The following CDH13 variants were observed in gnomAD, a reference collection of about 807,000 sequenced individuals.
CDH13 encodes the protein cadherin-13.
CDH13 carries 24 observed loss-of-function variants against 63.8 expected under a neutral mutation model. The observed-to-expected ratio is 0.38, with a 90% CI of 0.27 to 0.53. CDH13 has a LOEUF of 0.53. Among genes scored for constraint, CDH13 ranks in the 20% least tolerant of loss-of-function variants. The pLI is 0.85. For missense variants in CDH13, 1,049 were observed against 903.1 expected (o/e 1.16, Z -2.07); for synonymous variants, 503 against 355.3 (o/e 1.42, Z -4.67).
In CDH13 at chr16:83,293,337, C is replaced by T. The variant is rs537097259; in HGVS notation, c.637-51525C>T. ...CACAGACATGTAACCTTCCCCATGC[C>T]TTCTGGGGTCCTTGCTCTAATTTGG... is the stretch of plus-strand genomic sequence containing the variant. On this transcript the variant is annotated intron_variant, in intron 5 of 13. Coordinates refer to ENST00000567109, the MANE Select transcript of CDH13 (RefSeq NM_001257.5). Among the ~76,000 whole-genome samples the T allele has an allele frequency of 3.8e-4, 58 of 152,264 alleles. 1 individual carries two copies. The highest frequency in any genetic ancestry group is 1.3e-3 in the African/African-American group (54 of 41,560).
In CDH13 at chr16:83,040,032, C is replaced by T. The variant is rs531567535; in HGVS notation, c.366+7814C>T. Among the ~76,000 whole-genome samples the T allele has an allele frequency of 9.9e-5, 15 of 151,736 alleles. No homozygotes were observed. In the East Asian group the frequency reaches 3.0e-3, roughly 30 times the overall value. ...ACTAAACAAAACAGTCTGCTTTCTT[C>T]TGCTTGTGCCTGTCTTAATGCTGAG... On this transcript the variant is annotated intron_variant, in intron 3 of 13. Coordinates refer to ENST00000567109, the MANE Select transcript of CDH13 (RefSeq NM_001257.5).
intron 1 of CDH13, among the ~76,000 whole-genome samples, chr16:82,638,175 G>T (rs1266664265): frequency 2.0e-5 from 3 of 152,080 alleles, no homozygotes; most frequent in African/African-American, 7.2e-5. Context: ...GAAGAACGCT[G>T]CAAACCTGGG....
rs182575177 is a variant in CDH13 at position 83,739,351 on chromosome 16, C to T, written c.1539-8757C>T. 2.1e-4 allele frequency among the ~76,000 whole-genome samples: 22 copies of T among 105,546 alleles called. 1 individual carries two copies. The East Asian group carries it at 4.4e-3, about 21-fold the overall frequency. 69.2% of individuals were successfully genotyped at this position (105,546 alleles called of 152,430 possible). A position where few individuals can be genotyped will look rare whatever the true frequency, so the allele number is the denominator to read the frequency against. ...CACAACTTGCTCCTGGAATTAAGCA[C>T]GTCCGGTGTGACCCCACTGGGAGCA... On this transcript the variant is annotated intron_variant, in intron 10 of 13. Transcript: ENST00000567109.
At chr16:83,235,169 C>A (rs773587161) in intron 5 of CDH13, among the ~76,000 whole-genome samples, 1 of 152,186 alleles carries the variant, frequency 6.6e-6, no homozygotes, top group Non-Finnish European at 1.5e-5. Context: ...TACATAACTG[C>A]ATTCCAGCCT....
At chr16:82,937,380 C>T (rs1444156605) in intron 2 of CDH13, among the ~76,000 whole-genome samples, 4 of 151,908 alleles carry the variant, frequency 2.6e-5, no homozygotes, top group Non-Finnish European at 5.9e-5. Flanking sequence ...GTCTCTCTGT[C>T]CCTCTGTGTC....
At chr16:83,272,465 C>G (rs1009034146) in intron 5 of CDH13, among the ~76,000 whole-genome samples, 1 of 152,206 alleles carries the variant, frequency 6.6e-6, no homozygotes, top group Non-Finnish European at 1.5e-5. Flanking sequence ...TAATACCACA[C>G]GGGTATTTTC....
chr16:83,105,305 T>C (rs1160581810), intron 3 of CDH13, among the ~76,000 whole-genome samples: 1 of 152,200 alleles, frequency 6.6e-6, no homozygotes, highest in Non-Finnish European at 1.5e-5. Flanking sequence ...ACGCTGTTTT[T>C]CTCTGAGTCT....
At chr16:83,785,431 C>G (rs1468414581) in intron 13 of CDH13, among the ~76,000 whole-genome samples, 1 of 152,200 alleles carries the variant, frequency 6.6e-6, no homozygotes, top group African/African-American at 2.4e-5. Context: ...TTCCCAAAGG[C>G]CCACCCTCGT....
chr16:82,634,262 C>T (rs1347139849), intron 1 of CDH13, among the ~76,000 whole-genome samples: 1 of 152,250 alleles, frequency 6.6e-6, no homozygotes, highest in Non-Finnish European at 1.5e-5. Context: ...CTTACGGGGC[C>T]TTCAGGCCAA....
intron 2 of CDH13, chr16:82,953,721 G>A (rs1173663753): frequency 6.6e-6 from 1 of 152,134 alleles, no homozygotes; most frequent in Admixed American, 6.5e-5. Flanking sequence ...GGTGCTCAGT[G>A]GTGAAATAAT....
At chr16:83,064,551 T>C (rs1354135818) in intron 3 of CDH13, among the ~76,000 whole-genome samples, 2 of 152,214 alleles carry the variant, frequency 1.3e-5, no homozygotes, top group South Asian at 2.1e-4. Context: ...CTGATTATTA[T>C]ATAATGATCA....
At chr16:83,174,487 G>A (rs2038045019) in intron 4 of CDH13, among the ~76,000 whole-genome samples, 1 of 151,952 alleles carries the variant, frequency 6.6e-6, no homozygotes, top group Non-Finnish European at 1.5e-5. Context: ...ATATTTCTGA[G>A]CCAGAATAAA....
At chr16:83,309,501 T>G (rs143162947) in intron 5 of CDH13, among the ~76,000 whole-genome samples, 4,201 of 152,264 alleles carry the variant, frequency 0.028, 179 homozygotes, top group African/African-American at 0.093. Context: ...CTCAGCCTCC[T>G]GAGGAGGTGG....
At position 83,087,671 on chromosome 16, in the gene CDH13, C is replaced by CAAAAAAAAA. The variant is rs67228844; in HGVS notation, c.367-37696_367-37688dup. On this transcript the variant is annotated intron_variant, in intron 3 of 13. Transcript: ENST00000567109. Reference sequence around the variant, plus strand: ...CGACGAAGCAAGACTCCCTCCGTCTCAAAAAAAAAAAAAAAAAAAAAAAAA... The same window carrying CAAAAAAAAA: ...CGACGAAGCAAGACTCCCTCCGTCTCAAAAAAAAAAAAAAAAAAAAAAAAAAAAAAAAAA... Among the ~76,000 whole-genome samples the CAAAAAAAAA allele has an allele frequency of 1.8e-4, 8 of 44,002 alleles. 1 individual carries two copies. Among genetic ancestry groups the CAAAAAAAAA allele is most frequent in the African/African-American group, 7.0e-4 (8 of 11,452 alleles). The allele number at this position is 44,002 out of a possible 152,430, so 28.9% of individuals were successfully genotyped here.
intron 10 of CDH13, among the ~76,000 whole-genome samples, chr16:83,730,883 T>A (rs759439388): frequency 2.0e-5 from 3 of 152,226 alleles, no homozygotes; most frequent in Non-Finnish European, 2.9e-5. Context: ...ACTCAATGTT[T>A]AGCTCCCACT....
intron 5 of CDH13, among the ~76,000 whole-genome samples, chr16:83,228,481 G>A (rs143996310): frequency 2.6e-5 from 4 of 152,308 alleles, no homozygotes; most frequent in East Asian, 1.9e-4. Flanking sequence ...AAGTCCACAC[G>A]CTAGCTGGGG....
chr16:83,740,801 AC>A (rs1911985011), intron 10 of CDH13, among the ~76,000 whole-genome samples: 1 of 151,834 alleles, frequency 6.6e-6, no homozygotes, highest in Non-Finnish European at 1.5e-5. Context: ...CATCCTCCCA[AC>A]CCCAAGAGGC....
chr16:83,311,264 A>C (rs1055218986), intron 5 of CDH13, among the ~76,000 whole-genome samples: 1 of 151,992 alleles, frequency 6.6e-6, no homozygotes. Context: ...GAGCAAGTCA[A>C]CTTCTTATCA....
intron 4 of CDH13, 109 bp downstream of exon 4, chr16:83,125,610 C>T (rs2035773918): frequency 5.0e-6 from 3 of 604,648 alleles, no homozygotes; most frequent in Non-Finnish European, 8.9e-6. Context: ...CTTCATCTGT[C>T]TATGATAAGA....
Sources: gnomAD v4.1 joint callset for allele counts (sites outside exome capture counted in the v4.1 genomes callset) on GRCh38, gnomAD v4.1.1 for gene constraint, MANE v1.5 for transcripts, NCBI Gene and HGNC (gene_info 2026-07-23, HGNC 2026-07-21) for gene names.